Variants in SLC67A2 observed in about 807,000 individuals in gnomAD.
SLC67A2 encodes solute carrier family 67 member A2.
At chr2:102,734,260 T>A in the SLC67A2 span, among the ~76,000 whole-genome samples, 2 of 152,174 alleles carry the variant, frequency 1.3e-5, no homozygotes, top group Non-Finnish European at 2.9e-5. Flanking sequence ...AAATGAATTA[T>A]CACCTGAATA....
At chr2:102,722,903 AG>A in the SLC67A2 span, among the ~76,000 whole-genome samples, 2 of 152,230 alleles carry the variant, frequency 1.3e-5, no homozygotes, top group African/African-American at 2.4e-5. Context: ...CATCTGATAA[AG>A]AGTTAATATC....
chr2:102,735,749 A>G, the SLC67A2 span, among the ~76,000 whole-genome samples: 2 of 152,188 alleles, frequency 1.3e-5, no homozygotes, highest in African/African-American at 4.8e-5. Flanking sequence ...CACCTGCCAC[A>G]TGGCAGGTGT....
the SLC67A2 span, among the ~76,000 whole-genome samples, chr2:102,723,125 G>A: frequency 1.3e-5 from 2 of 152,158 alleles, no homozygotes; most frequent in Admixed American, 1.3e-4. Context: ...TGTTAGGAGG[G>A]CTAATACAGA....
chr2:102,734,774 A>C, the SLC67A2 span, among the ~76,000 whole-genome samples: 38,055 of 152,176 alleles, frequency 0.25, 4,797 homozygotes, highest in Middle Eastern at 0.28. Flanking sequence ...AAAATTCTGT[A>C]TCAGGCTTGC....
At chr2:102,731,007 CAT>C in the SLC67A2 span, 4 of 1,611,772 alleles carry the variant, frequency 2.5e-6, no homozygotes, top group East Asian at 6.7e-5. Flanking sequence ...ATGGATGAGA[CAT>C]GTGATCATAA....
the SLC67A2 span, among the ~76,000 whole-genome samples, chr2:102,726,177 C>T: frequency 6.6e-6 from 1 of 152,174 alleles, no homozygotes; most frequent in Non-Finnish European, 1.5e-5. Flanking sequence ...AGTGTCCCCG[C>T]TAACTGACAG....
chr2:102,718,940 T>C, the SLC67A2 span: 5 of 1,614,256 alleles, frequency 3.1e-6, no homozygotes, highest in Non-Finnish European at 4.2e-6. Flanking sequence ...GTTACTGTAG[T>C]ACAGCATGAC....
At chr2:102,734,300 CA>C in the SLC67A2 span, among the ~76,000 whole-genome samples, 2 of 152,028 alleles carry the variant, frequency 1.3e-5, no homozygotes, top group Non-Finnish European at 2.9e-5. Flanking sequence ...CAAATCTCAC[CA>C]AGTATCTGGA....
the SLC67A2 span, among the ~76,000 whole-genome samples, chr2:102,724,095 C>T: frequency 1.3e-5 from 2 of 152,106 alleles, no homozygotes; most frequent in African/African-American, 2.4e-5. Flanking sequence ...TGAGGTCTGC[C>T]GGTTCCATCC....
chr2:102,726,383 G>T, the SLC67A2 span, among the ~76,000 whole-genome samples: 88 of 152,278 alleles, frequency 5.8e-4, no homozygotes, highest in African/African-American at 2.0e-3. Context: ...ACAGTAGTGT[G>T]ATCATTCACG....
At chr2:102,733,054 T>C in the SLC67A2 span, among the ~76,000 whole-genome samples, 1 of 152,170 alleles carries the variant, frequency 6.6e-6, no homozygotes, top group Non-Finnish European at 1.5e-5. Flanking sequence ...CTGGTAGAAA[T>C]ATGATGAGCA....
chr2:102,722,581 T>C, the SLC67A2 span, among the ~76,000 whole-genome samples: 1 of 152,200 alleles, frequency 6.6e-6, no homozygotes, highest in Non-Finnish European at 1.5e-5. Flanking sequence ...AGAATAAAAT[T>C]AATCCCTTCC....
chr2:102,717,951 A>AG, the SLC67A2 span: 1 of 157,702 alleles, frequency 6.3e-6, no homozygotes, highest in Non-Finnish European at 1.4e-5. Context: ...ACTCCCTCCT[A>AG]GTGTATGGAA....
At chr2:102,716,930 G>C in the SLC67A2 span, 3 of 152,316 alleles carry the variant, frequency 2.0e-5, no homozygotes, top group African/African-American at 7.2e-5. Context: ...GGCCCCCTCG[G>C]TGCTGTATAT....
the SLC67A2 span, among the ~76,000 whole-genome samples, chr2:102,729,684 A>G: frequency 3.3e-5 from 5 of 152,220 alleles, no homozygotes; most frequent in Admixed American, 6.5e-5. Flanking sequence ...TAGAGTCTAA[A>G]TACTGAAATT....
At chr2:102,719,266 C>T in the SLC67A2 span, 7 of 1,519,434 alleles carry the variant, frequency 4.6e-6, no homozygotes, top group Non-Finnish European at 6.2e-6. Flanking sequence ...CATACACTAC[C>T]TCCTTGGGGA....
the SLC67A2 span, among the ~76,000 whole-genome samples, chr2:102,725,836 CTATT>C: frequency 6.6e-6 from 1 of 152,204 alleles, no homozygotes; most frequent in East Asian, 1.9e-4. Context: ...ATCTGATGCT[CTATT>C]TATTTGGGGA....
the SLC67A2 span, chr2:102,719,187 A>G: frequency 0.025 from 39,558 of 1,612,922 alleles, 562 homozygotes; most frequent in Non-Finnish European, 0.029. Context: ...GCTTCCCTCC[A>G]TGGAAAGAAC....
the SLC67A2 span, chr2:102,718,873 G>A: frequency 2.5e-6 from 4 of 1,614,010 alleles, no homozygotes; most frequent in Non-Finnish European, 3.4e-6. Flanking sequence ...TGTAACTGAT[G>A]AGGTAGCCTG....
Sources: allele counts gnomAD v4.1 joint callset (sites outside exome capture counted in the v4.1 genomes callset), GRCh38; gene constraint gnomAD v4.1.1; transcripts MANE v1.5; gene names NCBI Gene and HGNC (gene_info 2026-07-23, HGNC 2026-07-21).